The following ATP11C variants were observed in gnomAD, a reference collection of about 807,000 sequenced individuals.
ATP11C encodes the protein ATPase phospholipid transporting 11C (ATP11C blood group).
A neutral mutation model predicts 97.4 loss-of-function variants in ATP11C; 36 were observed. The observed-to-expected ratio is 0.37, with a 90% CI of 0.28 to 0.49. The LOEUF (loss-of-function observed/expected upper bound fraction) is 0.49, where lower values mean the gene tolerates loss of function less well. Ranked by LOEUF, ATP11C falls within the 20% of genes least tolerant of loss-of-function variation. The probability of loss-of-function intolerance (pLI) is 0.98; values close to 1 mark genes in which losing one functional copy is unlikely to be tolerated. For missense variants in ATP11C, 730 were observed against 824.6 expected (o/e 0.89, Z 1.40); for synonymous variants, 275 against 290.9 (o/e 0.95, Z 0.56).
At chrX:139,920,303 G>A (rs1438512227) in intron 1 of ATP11C, among the ~76,000 whole-genome samples, 1 of 105,462 alleles carries the variant, frequency 9.5e-6, no homozygotes, top group Non-Finnish European at 1.9e-5. Context: ...GTTGCAGTGA[G>A]CCGAGATCAT....
chrX:139,934,661 T>C (rs2085506474), upstream of ATP11C, among the ~76,000 whole-genome samples: 1 of 106,550 alleles, frequency 9.4e-6, no homozygotes, highest in African/African-American at 3.4e-5. Context: ...CAAGTGATTC[T>C]CGTGCCTCAG....
Position 139,742,877 on chromosome X carries a change from ATAT to A in ATP11C, c.3030+679_3030+681del, listed in dbSNP as rs1443394446. ...TTATTTTTAAATTAAAAAAAAAAAA[ATAT>A]ATATATATATATATATATATATATA... On this transcript the variant is annotated intron_variant, in intron 26 of 29. Coordinates refer to ENST00000682941, the MANE Select transcript of ATP11C (RefSeq NM_001353812.2). Among the ~76,000 whole-genome samples the A allele has an allele frequency of 4.1e-4, 28 of 68,357 alleles. 1 individual carries two copies. The highest frequency in any genetic ancestry group is 1.6e-3 in the African/African-American group (26 of 15,822). 59.4% of individuals were successfully genotyped at this position (68,357 alleles called of 115,157 possible).
intron 1 of ATP11C, among the ~76,000 whole-genome samples, chrX:139,880,486 TGAG>T (rs747861993): frequency 1.3e-4 from 14 of 110,642 alleles, no homozygotes; most frequent in South Asian, 3.9e-4. Flanking sequence ...TGGGATAGAA[TGAG>T]GAGGAGGAGG....
chrX:139,852,856 G>A (rs751220812), intron 1 of ATP11C, among the ~76,000 whole-genome samples: 11 of 111,177 alleles, frequency 9.9e-5, no homozygotes, highest in Non-Finnish European at 9.4e-5. Context: ...CCTTCAGAGG[G>A]GAAAAGGGGG....
At chrX:139,791,674 A>G (rs1425888967) in intron 12 of ATP11C, among the ~76,000 whole-genome samples, 1 of 110,773 alleles carries the variant, frequency 9.0e-6, no homozygotes, top group Non-Finnish European at 1.9e-5. Flanking sequence ...TATTTACAGA[A>G]CCACCGCCCT....
chrX:139,871,696 T>C (rs916637028), intron 1 of ATP11C, among the ~76,000 whole-genome samples: 2 of 108,435 alleles, frequency 1.8e-5, no homozygotes, highest in Non-Finnish European at 3.8e-5. Context: ...AATTTTTTTG[T>C]ATTTTTTGTA....
At chrX:139,855,658 GTTA>G (rs1240990979) in intron 1 of ATP11C, among the ~76,000 whole-genome samples, 2 of 111,973 alleles carry the variant, frequency 1.8e-5, no homozygotes, top group African/African-American at 6.5e-5. Flanking sequence ...TGACCATTTA[GTTA>G]TTAACATAAC....
chrX:139,915,305 G>A (rs747399115), intron 1 of ATP11C, among the ~76,000 whole-genome samples: 2 of 111,604 alleles, frequency 1.8e-5, no homozygotes, highest in East Asian at 2.8e-4. Flanking sequence ...CTTGCACCTC[G>A]ATAAAGCTGT....
At position 139,779,204 on chromosome X, in the gene ATP11C, CTG is replaced by C. The variant is rs367958730; in HGVS notation, c.1952+3341_1952+3342del. On this transcript the variant is annotated intron_variant, in intron 18 of 29. Transcript: ENST00000682941. ...GAGGCAGAAAACTAACAAAGAAACT[CTG>C]GACTTAAATTGGACTCTTGACCAAA... is the stretch of plus-strand genomic sequence containing the variant. Among the ~76,000 whole-genome samples, 629 of 111,697 alleles carry C rather than the reference CTG, an allele frequency of 5.6e-3. 10 individuals carry two copies. Among genetic ancestry groups the C allele is most frequent in the African/African-American group, 0.019 (580 of 30,716 alleles).
intron 15 of ATP11C, among the ~76,000 whole-genome samples, chrX:139,786,766 G>A (rs2082583035): frequency 8.9e-6 from 1 of 112,410 alleles, no homozygotes; most frequent in Non-Finnish European, 1.9e-5. Context: ...AACCAAACAA[G>A]GCTTCTGGTT....
At chrX:139,782,087 G>C (rs1404247023) in intron 18 of ATP11C, among the ~76,000 whole-genome samples, 6 of 111,330 alleles carry the variant, frequency 5.4e-5, no homozygotes, top group African/African-American at 2.0e-4. Context: ...AGCACTTTGG[G>C]AGGCTGAGGC....
chrX:139,873,706 CA>C (rs58064711), intron 1 of ATP11C, among the ~76,000 whole-genome samples: 2,651 of 17,142 alleles, frequency 0.15, 24 homozygotes, highest in African/African-American at 0.3. Context: ...GACTCCAACT[CA>C]AAAAAAAAAA....
chrX:139,789,391 G>T lies in ATP11C; in HGVS notation c.1304C>A (p.Thr435Asn). 8.3e-7 allele frequency: 1 copy of T among 1,206,890 alleles called. No homozygotes were observed. The highest frequency in any genetic ancestry group is 1.1e-6 in the Non-Finnish European group (1 of 891,939). ...CIDGHKYKGV[T>N]QEVDGLSQTD... Reference sequence around the variant, plus strand: ...TTGAGATAATCCATCAACCTCTTGAGTTACACCTTTATATTTGTGGCCATC... The same window carrying T: ...TTGAGATAATCCATCAACCTCTTGATTTACACCTTTATATTTGTGGCCATC... Residue 435 changes from threonine (T) to asparagine (N), a missense_variant, in exon 13 of 30, where the codon ACT (threonine) becomes AAT (asparagine). Physicochemically the swap from Thr to Asn is moderately conservative, Grantham distance 65. Coordinates refer to ENST00000682941, the MANE Select transcript of ATP11C (RefSeq NM_001353812.2).
chrX:139,812,011 T>C (rs2083186491), intron 5 of ATP11C, among the ~76,000 whole-genome samples: 1 of 111,619 alleles, frequency 9.0e-6, no homozygotes, highest in African/African-American at 3.3e-5. Flanking sequence ...GATTGCACAT[T>C]CATGCTTTCA....
chrX:139,823,203 T>C (rs1213922332), intron 2 of ATP11C, among the ~76,000 whole-genome samples: 1 of 111,606 alleles, frequency 9.0e-6, no homozygotes. Flanking sequence ...CAGAGACTCT[T>C]GTCTCAAAAA....
At chrX:139,839,123 CA>C (rs1189336556) in intron 1 of ATP11C, among the ~76,000 whole-genome samples, 1 of 111,938 alleles carries the variant, frequency 8.9e-6, no homozygotes, top group Non-Finnish European at 1.9e-5. Flanking sequence ...AAGCCAGACA[CA>C]AAAGGTCACA....
At position 139,757,887 on chromosome X, in the gene ATP11C, A is replaced by G. The variant is rs1381282319; in HGVS notation, c.2641-20T>C. On this transcript the variant is annotated intron_variant, in intron 22 of 29. Transcript: ENST00000682941. Reference sequence around the variant, plus strand: ...AAGGTTCTGAAAAAAAAAAATTAAGACAAGGATTAACATTTTCACTTAATC... The same window carrying G: ...AAGGTTCTGAAAAAAAAAAATTAAGGCAAGGATTAACATTTTCACTTAATC... 3 of 1,061,372 alleles carry G rather than the reference A, an allele frequency of 2.8e-6. No homozygotes were observed. Among genetic ancestry groups the G allele is most frequent in the Non-Finnish European group, 3.9e-6 (3 of 779,112 alleles). 87.5% of individuals were successfully genotyped at this position (1,061,372 alleles called of 1,213,427 possible).
chrX:139,827,097 T>C (rs1287319178), intron 1 of ATP11C, among the ~76,000 whole-genome samples: 8 of 112,237 alleles, frequency 7.1e-5, no homozygotes, highest in Admixed American at 5.7e-4. Flanking sequence ...ACAATATTTT[T>C]ACTGCCAATC....
At chrX:139,812,798 G>A (rs1337675975) in intron 5 of ATP11C, among the ~76,000 whole-genome samples, 1 of 111,805 alleles carries the variant, frequency 8.9e-6, no homozygotes, top group Non-Finnish European at 1.9e-5. Flanking sequence ...GGGATTACAG[G>A]CGTAAGCCAC....
Sources: allele counts gnomAD v4.1 joint callset (sites outside exome capture counted in the v4.1 genomes callset), GRCh38; gene constraint gnomAD v4.1.1; transcripts MANE v1.5; gene names NCBI Gene and HGNC (gene_info 2026-07-23, HGNC 2026-07-21).